CGGBP1: variants seen among roughly 807,000 people sequenced by gnomAD.
CGGBP1 encodes the protein CGG triplet repeat-binding protein 1.
In CGGBP1, 4 loss-of-function variants were observed where a neutral mutation model predicts 11.4. The ratio of observed to expected loss-of-function variants is 0.35; its 90% CI spans 0.17 to 0.80. The LOEUF is 0.80. Ranked by LOEUF, CGGBP1 falls within the 30% of genes least tolerant of loss-of-function variation. The probability of loss-of-function intolerance (pLI) is 0.52; values close to 1 mark genes in which losing one functional copy is unlikely to be tolerated. For synonymous variants in CGGBP1, 76 were observed against 74.1 expected, an observed-to-expected ratio of 1.03 and a Z score of -0.13; for missense variants, 135 against 202.1, an observed-to-expected ratio of 0.67 and a Z score of 2.01.
upstream of CGGBP1, among the ~76,000 whole-genome samples, chr3:88,061,346 A>G (rs566669521): frequency 3.9e-5 from 6 of 152,300 alleles, no homozygotes; most frequent in South Asian, 4.1e-4. Context: ...TTTAACAACA[A>G]ATGAAGTTGA....
chr3:88,145,980 A>T (rs1272048921), intron 1 of CGGBP1, among the ~76,000 whole-genome samples: 1 of 152,232 alleles, frequency 6.6e-6, no homozygotes, highest in African/African-American at 2.4e-5. Context: ...TTCCCTACAA[A>T]TGTAGACCAT....
At chr3:88,108,053 G>C in intron 2 of CGGBP1, among the ~76,000 whole-genome samples, 1 of 151,964 alleles carries the variant, frequency 6.6e-6, no homozygotes. Context: ...TTGAAGCCTG[G>C]ATTGAAAGAA....
intron 2 of CGGBP1, among the ~76,000 whole-genome samples, chr3:88,120,370 T>G (rs1254792932): frequency 6.6e-6 from 1 of 152,224 alleles, no homozygotes; most frequent in East Asian, 1.9e-4. Flanking sequence ...ACTGCTATCT[T>G]GAGAGCTTTA....
At chr3:88,059,424 C>T (rs1319669238), upstream of CGGBP1, 6 of 1,523,180 alleles carry the variant, frequency 3.9e-6, no homozygotes, top group Middle Eastern at 3.4e-4. Context: ...CTGCGGGCGA[C>T]GGCAGAGGCG....
chr3:88,073,305 CAAAAA>C (rs1000458099), intron 2 of CGGBP1, among the ~76,000 whole-genome samples: 2 of 151,770 alleles, frequency 1.3e-5, no homozygotes, highest in Admixed American at 6.6e-5. Context: ...AACATAAACT[CAAAAA>C]AGAATTGGTA....
At chr3:88,117,235 A>T (rs1299180855) in intron 2 of CGGBP1, among the ~76,000 whole-genome samples, 1 of 152,208 alleles carries the variant, frequency 6.6e-6, no homozygotes, top group African/African-American at 2.4e-5. Flanking sequence ...ACTCATAATT[A>T]CTTACAGACA....
rs77509140 is a variant in CGGBP1, at chr3:88,106,951, A to G, written c.-229+34019T>C. Among the ~76,000 whole-genome samples, 241 of 152,036 alleles carry G rather than the reference A, an allele frequency of 1.6e-3. 3 individuals carry two copies. Among genetic ancestry groups the G allele is most frequent in the East Asian group, 9.5e-3 (49 of 5,168 alleles). On this transcript the variant is annotated intron_variant, in intron 2 of 3. Transcript: ENST00000462901. ...ATTGTGGTCTCTTTTTGGATTTTCT[A>G]TTGTTTCATTAGCCTATTTGTCTGT...
intron 1 of CGGBP1, among the ~76,000 whole-genome samples, chr3:88,148,934 C>T (rs1707358050): frequency 6.6e-6 from 1 of 152,180 alleles, no homozygotes; most frequent in Non-Finnish European, 1.5e-5. Flanking sequence ...AGCCACCGCG[C>T]CCGGCCAAGC....
chr3:88,078,330 G>A (rs1215174511), intron 2 of CGGBP1, among the ~76,000 whole-genome samples: 1 of 152,104 alleles, frequency 6.6e-6, no homozygotes, highest in African/African-American at 2.4e-5. Context: ...CTAACAAGGT[G>A]AATGATTTTC....
intron 2 of CGGBP1, among the ~76,000 whole-genome samples, chr3:88,065,193 A>T (rs1357387966): frequency 3.3e-5 from 5 of 152,348 alleles, no homozygotes; most frequent in African/African-American, 9.6e-5. Flanking sequence ...CTGGAAAGAC[A>T]TCAACTCGTT....
In CGGBP1 at chr3:88,068,769, T is replaced by A. The variant is rs79859306; in HGVS notation, c.-228-10546A>T. The stretch of plus-strand genomic sequence containing the variant: ...TACAAGCTATGTGCCATTATTCTCA[T>A]TTTTATAGGTCAGGAAACTAAGACC... On this transcript the variant is annotated intron_variant, in intron 2 of 3. Transcript: ENST00000462901. Among the ~76,000 whole-genome samples the A allele has an allele frequency of 2.8e-3, 427 of 152,296 alleles. 3 individuals are homozygous for A. The highest frequency in any genetic ancestry group is 9.2e-3 in the African/African-American group (382 of 41,576).
chr3:88,145,528 CTT>C (rs989664508), intron 1 of CGGBP1, among the ~76,000 whole-genome samples: 7 of 152,122 alleles, frequency 4.6e-5, no homozygotes, highest in South Asian at 2.1e-4. Flanking sequence ...GTTTAGATAA[CTT>C]TTCATTTTCC....
chr3:88,146,674 G>A (rs1707318818), intron 1 of CGGBP1, among the ~76,000 whole-genome samples: 1 of 151,952 alleles, frequency 6.6e-6, no homozygotes, highest in Admixed American at 6.6e-5. Context: ...TTTAAACCCC[G>A]CACCTACCCT....
At position 88,102,345 on chromosome 3, in the gene CGGBP1, C is replaced by T. The variant is rs1704476076; in HGVS notation, c.-229+38625G>A. The stretch of plus-strand genomic sequence containing the variant: ...CTTGCAGCTCATTAATAGCTCTAGT[C>T]GTTTTTTGTCTTTCTCTTTTATTTT... On this transcript the variant is annotated intron_variant, in intron 2 of 3. Coordinates refer to the CGGBP1 transcript ENST00000462901. 2.6e-5 allele frequency among the ~76,000 whole-genome samples: 4 copies of T among 152,098 alleles called. No homozygotes were observed. In the South Asian group the frequency reaches 6.2e-4, roughly 24 times the overall value.
intron 2 of CGGBP1, among the ~76,000 whole-genome samples, chr3:88,120,814 T>G (rs1559723932): frequency 6.7e-6 from 1 of 149,878 alleles, no homozygotes; most frequent in Non-Finnish European, 1.5e-5. Context: ...GTGACATTAG[T>G]GTGATTATAG....
chr3:88,119,148 A>G (rs1398725597), intron 2 of CGGBP1, among the ~76,000 whole-genome samples: 12 of 147,774 alleles, frequency 8.1e-5, no homozygotes, highest in Non-Finnish European at 1.5e-4. Context: ...ATGTCCAACA[A>G]TGATAGACTG....
chr3:88,083,918 T>A (rs1708206344), intron 2 of CGGBP1, among the ~76,000 whole-genome samples: 1 of 144,550 alleles, frequency 6.9e-6, no homozygotes, highest in Admixed American at 7.1e-5. Flanking sequence ...TTCATTTTAA[T>A]AGGACAATGT....
intron 2 of CGGBP1, among the ~76,000 whole-genome samples, chr3:88,102,987 C>G (rs1013494555): frequency 1.3e-5 from 2 of 151,952 alleles, no homozygotes; most frequent in African/African-American, 4.8e-5. Context: ...TACCCTCTGC[C>G]CCACTAGTAG....
chr3:88,069,104 A>G (rs1486844590), intron 2 of CGGBP1, among the ~76,000 whole-genome samples: 1 of 150,884 alleles, frequency 6.6e-6, no homozygotes, highest in Non-Finnish European at 1.5e-5. Flanking sequence ...AATCAAATTC[A>G]ATCTAGCAGA....
Sources: gnomAD v4.1 joint callset for allele counts (sites outside exome capture counted in the v4.1 genomes callset) on GRCh38, gnomAD v4.1.1 for gene constraint, MANE v1.5 for transcripts, NCBI Gene and HGNC (gene_info 2026-07-23, HGNC 2026-07-21) for gene names.